NPC1: variants seen among roughly 807,000 people sequenced by gnomAD.
The protein encoded by NPC1 is Niemann-Pick C1 protein.
NPC1 carries 85 observed loss-of-function variants against 140.4 expected under a neutral mutation model. The observed-to-expected ratio is 0.61, with a 90% CI of 0.51 to 0.72. The LOEUF is 0.72. NPC1 is among the 30% of genes least tolerant of loss of function. The pLI is 0.00. For synonymous variants in NPC1, 656 were observed against 624.8 expected (o/e 1.05, Z -0.74); for missense variants, 1,504 against 1,623.8 (o/e 0.93, Z 1.27).
downstream of NPC1, chr18:23,529,143 T>C: frequency 6.3e-7 from 1 of 1,598,968 alleles, no homozygotes; most frequent in Non-Finnish European, 8.5e-7. Flanking sequence ...TCCTCTAAGA[T>C]GCCGAAGATC....
downstream of NPC1, chr18:23,530,172 A>G (rs2058446860): frequency 1.2e-6 from 2 of 1,613,732 alleles, no homozygotes; most frequent in East Asian, 2.2e-5. Context: ...GTGGTTAAAA[A>G]TGGAAAATTT....
downstream of NPC1, among the ~76,000 whole-genome samples, chr18:23,518,317 C>G (rs1268995288): frequency 6.6e-6 from 1 of 152,014 alleles, no homozygotes; most frequent in Non-Finnish European, 1.5e-5. Flanking sequence ...ATAGTGAGAC[C>G]CTGTTTCTAC....
chr18:23,519,519 GAAAA>G (rs35759590), downstream of NPC1, among the ~76,000 whole-genome samples: 1 of 136,130 alleles, frequency 7.3e-6, no homozygotes, highest in African/African-American at 2.7e-5. Context: ...TCCTGTCTCC[GAAAA>G]AAAAAAAAAA....
At chr18:23,568,339 T>C (rs1322677885) in intron 4 of NPC1, among the ~76,000 whole-genome samples, 1 of 152,242 alleles carries the variant, frequency 6.6e-6, no homozygotes, top group Non-Finnish European at 1.5e-5. Flanking sequence ...TGTTACCTTT[T>C]TACTTTGTCA....
chr18:23,528,174 G>C (rs1378278609), downstream of NPC1: 4 of 315,906 alleles, frequency 1.3e-5, no homozygotes, highest in Non-Finnish European at 5.8e-6. Context: ...GTAGATCCTT[G>C]GTCTACTGTT....
exon 2 of NPC1, chr18:23,522,394 C>G (rs1432728917): frequency 6.6e-6 from 1 of 152,214 alleles, no homozygotes; most frequent in African/African-American, 2.4e-5. Context: ...AACCCACGGT[C>G]TGTGGGCCAC....
Position 23,552,502 on chromosome 18 carries a change from T to C in NPC1, c.1554-775A>G, listed in dbSNP as rs563719717. Among the ~76,000 whole-genome samples the C allele has an allele frequency of 5.9e-5, 9 of 152,286 alleles. No individual in the cohort carries two copies. The South Asian group carries it at 1.9e-3, about 32-fold the overall frequency. On this transcript the variant is annotated intron_variant, in intron 9 of 24. Transcript: ENST00000269228. Reference sequence around the variant, plus strand: ...AGAGATTTCCGGGAAAGAAATGTCATGAGCTGTTTTACAAAGATAGCTTGC... The same window carrying C: ...AGAGATTTCCGGGAAAGAAATGTCACGAGCTGTTTTACAAAGATAGCTTGC...
intron 1 of NPC1, among the ~76,000 whole-genome samples, chr18:23,578,508 C>T (rs1391730391): frequency 6.6e-6 from 1 of 152,268 alleles, no homozygotes; most frequent in Non-Finnish European, 1.5e-5. Flanking sequence ...TCACCAACAG[C>T]TGAAAGTGGA....
chr18:23,524,793 A>T (rs141851226), downstream of NPC1, among the ~76,000 whole-genome samples: 655 of 151,020 alleles, frequency 4.3e-3, 4 homozygotes, highest in African/African-American at 0.015. Flanking sequence ...TGTCTCCCTC[A>T]TTTCTCCCAT....
intron 4 of NPC1, among the ~76,000 whole-genome samples, chr18:23,564,781 TGTTTTATA>T (rs1377207610): frequency 1.3e-5 from 2 of 152,226 alleles, no homozygotes; most frequent in Non-Finnish European, 2.9e-5. Context: ...TATGTTTTAT[TGTTTTATA>T]GTTTTTAGCT....
chr18:23,529,776 T>C, downstream of NPC1: 1 of 1,482,198 alleles, frequency 6.7e-7, no homozygotes, highest in Non-Finnish European at 9.4e-7. Context: ...ACACAGTCAC[T>C]GTCTTAGAAG....
At chr18:23,523,914 T>G (rs2058217785) in intron 1 of NPC1, among the ~76,000 whole-genome samples, 1 of 152,222 alleles carries the variant, frequency 6.6e-6, no homozygotes, top group African/African-American at 2.4e-5. Flanking sequence ...TGACATGCTT[T>G]CTTTTTCTTG....
At chr18:23,511,599 A>G (rs896924605) in intron 3 of NPC1, among the ~76,000 whole-genome samples, 2 of 152,182 alleles carry the variant, frequency 1.3e-5, no homozygotes, top group African/African-American at 4.8e-5. Context: ...AAAAATAAAT[A>G]CAAACTTCTT....
At chr18:23,574,371 A>G (rs1224803939) in intron 1 of NPC1, among the ~76,000 whole-genome samples, 1 of 152,166 alleles carries the variant, frequency 6.6e-6, no homozygotes, top group Non-Finnish European at 1.5e-5. Context: ...CGGGCCTGCA[A>G]TCGTCTGTTC....
chr18:23,572,200 A>C lies in NPC1; in HGVS notation c.181-20T>G. On this transcript the variant is annotated intron_variant, in intron 2 of 24. Transcript: ENST00000269228. The stretch of plus-strand genomic sequence containing the variant: ...GAGTTCCTTTCAGGTGAAAGAGCAC[A>C]GACACGGGAGTAGGCAACAGTTAGA... The C allele has an allele frequency of 6.5e-7, 1 of 1,543,818 alleles. No homozygotes were observed. The highest frequency in any genetic ancestry group is 9.0e-7 in the Non-Finnish European group (1 of 1,116,688).
intron 4 of NPC1, 52 bp downstream of exon 4, chr18:23,568,771 T>G: frequency 7.0e-7 from 1 of 1,433,340 alleles, no homozygotes; most frequent in Non-Finnish European, 9.8e-7. Context: ...AACAATTTGC[T>G]CTGCTGTCCT....
At chr18:23,535,843 C>T in intron 21 of NPC1, 143 bp from the exon 22 acceptor site, 1 of 700,948 alleles carries the variant, frequency 1.4e-6, no homozygotes, top group South Asian at 1.5e-5. Context: ...ACAAGACTCA[C>T]CGAAAGCAAC....
intron 22 of NPC1, among the ~76,000 whole-genome samples, 171 bp from the exon 23 acceptor site, chr18:23,534,730 A>T (rs2058600400): frequency 6.6e-6 from 1 of 152,134 alleles, no homozygotes; most frequent in East Asian, 1.9e-4. Context: ...CTGTACCAGG[A>T]ACTTTTTGGG....
At chr18:23,569,115 G>A (rs1245646636) in intron 3 of NPC1, 117 bp from the exon 4 acceptor site, 1 of 742,046 alleles carries the variant, frequency 1.3e-6, no homozygotes, top group Non-Finnish European at 2.2e-6. Flanking sequence ...ATTACCAAGA[G>A]AACATATTAA....
Sources: allele counts gnomAD v4.1 joint callset (sites outside exome capture counted in the v4.1 genomes callset), GRCh38; gene constraint gnomAD v4.1.1; transcripts MANE v1.5; gene names NCBI Gene and HGNC (gene_info 2026-07-23, HGNC 2026-07-21).